Variants in NOL4 observed in about 807,000 individuals in gnomAD.
The protein encoded by NOL4 is cancer/testis antigen 125.
Under a neutral mutation model 75.9 loss-of-function variants are expected in NOL4, and 17 were observed. The observed-to-expected ratio is 0.22, with a 90% CI of 0.15 to 0.34. The LOEUF (loss-of-function observed/expected upper bound fraction) is 0.34, where lower values mean the gene tolerates loss of function less well. NOL4 is among the 10% of genes least tolerant of loss of function. The probability of loss-of-function intolerance (pLI) is 1.00; values close to 1 mark genes in which losing one functional copy is unlikely to be tolerated. For missense variants in NOL4, 614 were observed against 793.5 expected (o/e 0.77, Z 2.72); for synonymous variants, 292 against 289.9 (o/e 1.01, Z -0.07).
At chr18:34,104,670 AT>A (rs1196362789) in intron 3 of NOL4, among the ~76,000 whole-genome samples, 2 of 152,014 alleles carry the variant, frequency 1.3e-5, no homozygotes, top group African/African-American at 2.4e-5. Flanking sequence ...TTAATGTAAA[AT>A]TTTTTAGTAA....
At chr18:34,213,177 G>A (rs1193881077) in intron 1 of NOL4, among the ~76,000 whole-genome samples, 1 of 152,188 alleles carries the variant, frequency 6.6e-6, no homozygotes, top group Non-Finnish European at 1.5e-5. Flanking sequence ...GGGTTTGAAT[G>A]TGTTCCCCGA....
At chr18:34,166,406 G>T (rs1344126652) in intron 1 of NOL4, among the ~76,000 whole-genome samples, 5 of 152,142 alleles carry the variant, frequency 3.3e-5, no homozygotes, top group Admixed American at 2.6e-4. Context: ...TAAGTAAACA[G>T]ACTTTGTCTA....
At chr18:34,062,524 T>G (rs1032741368) in intron 5 of NOL4, among the ~76,000 whole-genome samples, 2 of 152,138 alleles carry the variant, frequency 1.3e-5, no homozygotes, top group Admixed American at 6.6e-5. Flanking sequence ...TTCATAAGTG[T>G]ATAACATGCA....
At position 34,107,680 on chromosome 18, in the gene NOL4, GA is replaced by G. The variant is rs78952634; in HGVS notation, c.415-2521del. Among the ~76,000 whole-genome samples the G allele has an allele frequency of 7.0e-3, 712 of 101,318 alleles. 4 individuals are homozygous for G. The highest frequency in any genetic ancestry group is 0.021 in the African/African-American group (564 of 27,068). 66.5% of individuals were successfully genotyped at this position (101,318 alleles called of 152,430 possible). ...ATATTTCTCCTGCAACGCACGTAAAGAAAAAAAAAAAAAAACTTTTTTCCCT... is the reference window on the plus strand; with the variant it reads ...ATATTTCTCCTGCAACGCACGTAAAGAAAAAAAAAAAAAACTTTTTTCCCT... On this transcript the variant is annotated intron_variant, in intron 2 of 10. Coordinates refer to ENST00000261592, the MANE Select transcript of NOL4 (RefSeq NM_003787.5).
At chr18:34,063,454 T>G (rs1042923779) in intron 5 of NOL4, among the ~76,000 whole-genome samples, 3 of 152,124 alleles carry the variant, frequency 2.0e-5, no homozygotes, top group Admixed American at 1.3e-4. Context: ...ATATATGTTT[T>G]AGGGACTATA....
chr18:34,032,136 CA>C (rs2075667644), intron 5 of NOL4, among the ~76,000 whole-genome samples: 1 of 152,214 alleles, frequency 6.6e-6, no homozygotes, highest in South Asian at 2.1e-4. Context: ...AAAGTGCAAG[CA>C]AGAAGCCAGC....
At chr18:33,856,839 T>C (rs1453635358) in intron 10 of NOL4, among the ~76,000 whole-genome samples, 2 of 151,954 alleles carry the variant, frequency 1.3e-5, no homozygotes, top group Admixed American at 6.6e-5. Context: ...CTATAACAAT[T>C]GAGTCTTTGT....
intron 1 of NOL4, among the ~76,000 whole-genome samples, chr18:34,181,500 C>T (rs1343855132): frequency 1.3e-5 from 2 of 151,464 alleles, no homozygotes; most frequent in Non-Finnish European, 3.0e-5. Flanking sequence ...TCATTATGAC[C>T]TTGCTTTAAG....
At chr18:34,113,129 C>G (rs1941400912) in intron 2 of NOL4, among the ~76,000 whole-genome samples, 1 of 148,832 alleles carries the variant, frequency 6.7e-6, no homozygotes, top group Non-Finnish European at 1.5e-5. Flanking sequence ...ACCACTAAGC[C>G]CAACTTTTTT....
At chr18:34,070,434 T>C (rs2077465379) in intron 5 of NOL4, among the ~76,000 whole-genome samples, 2 of 152,212 alleles carry the variant, frequency 1.3e-5, no homozygotes, top group Non-Finnish European at 2.9e-5. Flanking sequence ...CCTGAATAAA[T>C]AGACTTTGCC....
intron 4 of NOL4, among the ~76,000 whole-genome samples, chr18:34,103,546 C>T (rs1278839697): frequency 1.3e-5 from 2 of 151,796 alleles, no homozygotes; most frequent in Non-Finnish European, 2.9e-5. Flanking sequence ...AGGAAATGCA[C>T]AGAAGTAAAT....
intron 5 of NOL4, among the ~76,000 whole-genome samples, chr18:34,059,583 G>C (rs1298559010): frequency 1.3e-5 from 2 of 152,058 alleles, no homozygotes; most frequent in Non-Finnish European, 2.9e-5. Flanking sequence ...GGGATCACTA[G>C]CTTCCAAAAA....
intron 10 of NOL4, among the ~76,000 whole-genome samples, chr18:33,882,928 A>G (rs373433340): frequency 6.6e-6 from 1 of 151,226 alleles, no homozygotes; most frequent in African/African-American, 2.4e-5. Context: ...AAATTGGAAA[A>G]CATCATTCTC....
chr18:34,056,747 T>G (rs573110933), intron 5 of NOL4, among the ~76,000 whole-genome samples: 10 of 152,180 alleles, frequency 6.6e-5, no homozygotes, highest in African/African-American at 2.4e-4. Flanking sequence ...ACTAGGATCT[T>G]TTTTTTGGTT....
At chr18:34,168,447 A>G (rs888120463) in intron 1 of NOL4, among the ~76,000 whole-genome samples, 22 of 151,602 alleles carry the variant, frequency 1.5e-4, no homozygotes, top group Non-Finnish European at 2.7e-4. Flanking sequence ...TTCAGGGGGG[A>G]AAAAAGGTCT....
At position 33,952,399 on chromosome 18, in the gene NOL4, G is replaced by A. The variant is rs564574011; in HGVS notation, c.1428+4927C>T. ...AGAAGGAGCAGCAGTCTCATATGAT[G>A]AACTAAGGTTTGAAAGAATATAATT... On this transcript the variant is annotated intron_variant, in intron 8 of 10. Transcript: ENST00000261592. Among the ~76,000 whole-genome samples the A allele has an allele frequency of 2.0e-5, 3 of 152,246 alleles. No homozygotes were observed. The South Asian group carries it at 6.2e-4, about 32-fold the overall frequency.
chr18:34,198,223 A>G (rs1295972193), intron 1 of NOL4, among the ~76,000 whole-genome samples: 2 of 151,918 alleles, frequency 1.3e-5, no homozygotes, highest in Admixed American at 1.3e-4. Context: ...ATTAGTTTCT[A>G]CTTTTTTTAT....
At chr18:34,060,848 T>C (rs1359787863) in intron 5 of NOL4, among the ~76,000 whole-genome samples, 2 of 152,178 alleles carry the variant, frequency 1.3e-5, no homozygotes, top group Non-Finnish European at 2.9e-5. Flanking sequence ...TGGCAACTAC[T>C]GCAGAAGGAA....
chr18:33,975,098 G>A (rs757172524), intron 6 of NOL4, among the ~76,000 whole-genome samples: 9 of 152,188 alleles, frequency 5.9e-5, no homozygotes, highest in East Asian at 5.8e-4. Context: ...TTTCACTTAC[G>A]TGAGGTATCT....
Sources: gnomAD v4.1 joint callset for allele counts (sites outside exome capture counted in the v4.1 genomes callset) on GRCh38, gnomAD v4.1.1 for gene constraint, MANE v1.5 for transcripts, NCBI Gene and HGNC (gene_info 2026-07-23, HGNC 2026-07-21) for gene names.